DPP6: variants seen among roughly 807,000 people sequenced by gnomAD.
DPP6 encodes dipeptidyl peptidase like 6, also known as A-type potassium channel modulatory protein DPP6.
In DPP6, 69 loss-of-function variants were observed where a neutral mutation model predicts 122.6. The observed-to-expected ratio is 0.56, with a 90% CI of 0.46 to 0.69. The LOEUF is 0.69. Among genes scored for constraint, DPP6 ranks in the 30% least tolerant of loss-of-function variants. The probability of loss-of-function intolerance (pLI) is 0.00; values close to 1 mark genes in which losing one functional copy is unlikely to be tolerated. For synonymous variants in DPP6, 418 were observed against 433.1 expected (o/e 0.97, Z 0.43); for missense variants, 928 against 1,116.9 (o/e 0.83, Z 2.41).
Position 154,726,019 on chromosome 7 carries a change from T to C in DPP6, c.763-1748T>C, listed in dbSNP as rs115085987. Among the ~76,000 whole-genome samples the C allele has an allele frequency of 6.8e-3, 1,030 of 152,314 alleles. 12 individuals carry two copies. Among genetic ancestry groups the C allele is most frequent in the African/African-American group, 0.023 (969 of 41,572 alleles). ...CATTGACTCCATGACTCATATCCAGTGCATGCTGATACAGCAGTGGTCTCC... is the reference window on the plus strand; with the variant it reads ...CATTGACTCCATGACTCATATCCAGCGCATGCTGATACAGCAGTGGTCTCC... On this transcript the variant is annotated intron_variant, in intron 7 of 25. Transcript: ENST00000377770.
intron 9 of DPP6, among the ~76,000 whole-genome samples, chr7:154,772,330 C>T (rs1392857328): frequency 1.3e-5 from 2 of 152,118 alleles, no homozygotes; most frequent in African/African-American, 4.8e-5. Flanking sequence ...ACCCCGAAGT[C>T]CCCCTAAAGA....
intron 1 of DPP6, among the ~76,000 whole-genome samples, chr7:153,945,798 G>T (rs1396547933): frequency 6.6e-6 from 1 of 152,196 alleles, no homozygotes; most frequent in Non-Finnish European, 1.5e-5. Context: ...GCTTCCAGGG[G>T]CTTTGTGGCC....
chr7:154,416,235 C>A (rs1265799182), intron 1 of DPP6, among the ~76,000 whole-genome samples: 2 of 152,158 alleles, frequency 1.3e-5, no homozygotes, highest in African/African-American at 4.8e-5. Flanking sequence ...GCAACATCAT[C>A]TTCTGACAGC....
At chr7:154,444,134 G>A (rs910569790) in intron 1 of DPP6, among the ~76,000 whole-genome samples, 2 of 152,176 alleles carry the variant, frequency 1.3e-5, no homozygotes, top group African/African-American at 2.4e-5. Context: ...AAAATTAAAT[G>A]TGCATATAGA....
chr7:154,456,628 G>C (rs1563700772), intron 2 of DPP6, among the ~76,000 whole-genome samples: 1 of 152,024 alleles, frequency 6.6e-6, no homozygotes, highest in Non-Finnish European at 1.5e-5. Flanking sequence ...TTTCTTTTAT[G>C]GCCAAAAGGG....
chr7:154,598,293 A>G (rs1443825212), intron 5 of DPP6, among the ~76,000 whole-genome samples: 2 of 152,372 alleles, frequency 1.3e-5, no homozygotes, highest in South Asian at 2.1e-4. Context: ...CACTTCATAA[A>G]GGAAAACCGT....
the DPP6 span, among the ~76,000 whole-genome samples, chr7:153,786,692 C>T: frequency 7.6e-4 from 109 of 142,604 alleles, 1 homozygote; most frequent in African/African-American, 2.6e-3. Context: ...TGAGCCGAGA[C>T]CGCGCCACTG....
chr7:154,638,410 T>C (rs1835861080), intron 6 of DPP6, among the ~76,000 whole-genome samples: 1 of 152,188 alleles, frequency 6.6e-6, no homozygotes. Context: ...GCTCTACCCA[T>C]CACTCCGAGG....
At chr7:154,434,651 G>T (rs566452359) in intron 1 of DPP6, among the ~76,000 whole-genome samples, 15 of 152,172 alleles carry the variant, frequency 9.9e-5, no homozygotes, top group African/African-American at 3.6e-4. Flanking sequence ...CAATCAAAGT[G>T]CTCTTATCTT....
chr7:154,610,221 G>T (rs538910974), intron 5 of DPP6, among the ~76,000 whole-genome samples: 3 of 152,290 alleles, frequency 2.0e-5, no homozygotes, highest in African/African-American at 7.2e-5. Context: ...AGCAAATTCT[G>T]AGTACCAAAT....
At chr7:154,049,573 G>T (rs1262460826), upstream of DPP6, among the ~76,000 whole-genome samples, 6 of 127,570 alleles carry the variant, frequency 4.7e-5, no homozygotes, top group Admixed American at 4.5e-4. Flanking sequence ...TACACACGAG[G>T]TATAGAACAT....
chr7:154,254,933 C>T (rs12703332), intron 1 of DPP6, among the ~76,000 whole-genome samples: 1,734 of 151,998 alleles, frequency 0.011, 14 homozygotes, highest in African/African-American at 0.015. Context: ...GAAAAGGAAA[C>T]GCAAATTGTA....
At chr7:154,494,777 C>A (rs1319112146) in intron 3 of DPP6, among the ~76,000 whole-genome samples, 1 of 152,126 alleles carries the variant, frequency 6.6e-6, no homozygotes, top group Non-Finnish European at 1.5e-5. Context: ...CAATTTGCCT[C>A]CTCCAAGTCA....
chr7:154,225,690 CCTATT>C lies in DPP6; in HGVS notation c.243+172632_243+172636del, dbSNP rs1359067679. Among the ~76,000 whole-genome samples, 9 of 151,948 alleles carry C rather than the reference CCTATT, an allele frequency of 5.9e-5. No homozygotes were observed. In the East Asian group the frequency reaches 1.7e-3, roughly 29 times the overall value. On this transcript the variant is annotated intron_variant, in intron 1 of 25. Transcript: ENST00000377770. ...CTTGTGTAGGGAATGTTTCATTTTACCTATTCTATCGATAAATAGCCTGATATTTA... is the reference window on the plus strand; with the variant it reads ...CTTGTGTAGGGAATGTTTCATTTTACCTATCGATAAATAGCCTGATATTTA...
chr7:154,623,903 T>G (rs1349322106), intron 5 of DPP6, among the ~76,000 whole-genome samples: 1 of 152,248 alleles, frequency 6.6e-6, no homozygotes, highest in Non-Finnish European at 1.5e-5. Context: ...GAAAAAGGTT[T>G]ATTTCAAAAC....
At chr7:154,634,624 C>CTCCTCCTCCTCCTCTTCT (rs1223596346) in intron 5 of DPP6, among the ~76,000 whole-genome samples, 1 of 147,656 alleles carries the variant, frequency 6.8e-6, no homozygotes, top group Non-Finnish European at 1.5e-5. Context: ...CAGTTCTCTC[C>CTCCTCCTCCTCCTCTTCT]TCCTCCTCCT....
At chr7:153,868,676 T>A in the DPP6 span, among the ~76,000 whole-genome samples, 433 of 152,326 alleles carry the variant, frequency 2.8e-3, 4 homozygotes, top group African/African-American at 9.7e-3. Context: ...ATCTTAGTTA[T>A]TTCTTACCTT....
intron 7 of DPP6, among the ~76,000 whole-genome samples, chr7:154,690,414 C>G (rs960449509): frequency 1.3e-5 from 2 of 152,120 alleles, no homozygotes; most frequent in African/African-American, 4.8e-5. Context: ...GAGGGCCTCA[C>G]TCAAGATCTG....
chr7:154,489,929 G>A (rs570083571), intron 3 of DPP6, among the ~76,000 whole-genome samples: 2 of 152,266 alleles, frequency 1.3e-5, no homozygotes, highest in East Asian at 1.9e-4. Context: ...GCAAGGAACC[G>A]ACATGTGCAT....
Sources: gnomAD v4.1 joint callset for allele counts (sites outside exome capture counted in the v4.1 genomes callset) on GRCh38, gnomAD v4.1.1 for gene constraint, MANE v1.5 for transcripts, NCBI Gene and HGNC (gene_info 2026-07-23, HGNC 2026-07-21) for gene names.